BCAS3: variants seen among roughly 807,000 people sequenced by gnomAD.
The protein encoded by BCAS3 is BCAS4/BCAS3 fusion.
In BCAS3, 53 loss-of-function variants were observed where a neutral mutation model predicts 116.1. The observed-to-expected ratio is 0.46, with a 90% confidence interval of 0.37 to 0.57. The LOEUF is 0.57. Among genes scored for constraint, BCAS3 ranks in the 20% least tolerant of loss-of-function variants. The pLI is 0.00. For missense variants in BCAS3, 917 were observed against 1,165.4 expected (o/e 0.79, Z 3.10); for synonymous variants, 391 against 408.2 (o/e 0.96, Z 0.51).
rs763556875 is a variant in BCAS3 at position 61,228,379 on chromosome 17, G to T, written c.2426-139948G>T. Among the ~76,000 whole-genome samples the T allele has an allele frequency of 3.3e-5, 5 of 152,140 alleles. No homozygotes were observed. The highest frequency in any genetic ancestry group is 7.4e-5 in the Non-Finnish European group (5 of 68,016). Reference sequence around the variant, plus strand: ...GGTGGGAAGGACACATGGGTATGGTGTATTTTAAAAGGATTTAAAAGCACT... The same window carrying T: ...GGTGGGAAGGACACATGGGTATGGTTTATTTTAAAAGGATTTAAAAGCACT... On this transcript the variant is annotated intron_variant, in intron 22 of 23. Coordinates refer to ENST00000407086, the MANE Select transcript of BCAS3 (RefSeq NM_017679.5). The surrounding 1 kb of genome is among the most constrained non-coding windows in gnomAD (Gnocchi z 5.0).
At chr17:61,293,519 G>T (rs1055690332) in intron 22 of BCAS3, among the ~76,000 whole-genome samples, 1 of 152,154 alleles carries the variant, frequency 6.6e-6, no homozygotes, top group Admixed American at 6.5e-5. Flanking sequence ...GACTATTAGG[G>T]CCCAGAGAAG....
intron 6 of BCAS3, among the ~76,000 whole-genome samples, chr17:60,779,906 G>A (rs760763166): frequency 1.3e-5 from 2 of 151,970 alleles, no homozygotes; most frequent in African/African-American, 4.8e-5. Flanking sequence ...CAGGAGATAA[G>A]GCTCTGATAT....
Position 61,200,596 on chromosome 17 carries a change from G to T in BCAS3, c.2425+116032G>T, listed in dbSNP as rs376703749. 6.6e-6 allele frequency among the ~76,000 whole-genome samples: 1 copy of T among 152,344 alleles called. No homozygotes were observed. Among genetic ancestry groups the T allele is most frequent in the East Asian group, 1.9e-4 (1 of 5,182 alleles). On this transcript the variant is annotated intron_variant, in intron 22 of 23. Transcript: ENST00000407086. This position sits in a 1 kb window ranked among gnomAD's most constrained non-coding sequence, Gnocchi z 5.1. ...AACATTCCTACTGAAGAGGCATTAG[G>T]ACTAGAGCGTATTTCTTTTGATTAT...
chr17:61,038,000 A>G lies in BCAS3; in HGVS notation c.1874A>G (p.Asp625Gly), dbSNP rs780575795. Residue 625 changes from aspartate to glycine, a missense_variant, in exon 18 of 24, where the codon GAC (aspartate) becomes GGC (glycine). Physicochemically the swap from Asp to Gly is moderately conservative, Grantham distance 94. Coordinates refer to ENST00000407086, the MANE Select transcript of BCAS3 (RefSeq NM_017679.5). This position sits in a 1 kb window ranked among gnomAD's most constrained non-coding sequence, Gnocchi z 4.7. ...RPLSTAPKISDDTPLEMMTSP... is the reference protein window; with the variant it reads ...RPLSTAPKISGDTPLEMMTSP... Reference sequence around the variant, plus strand: ...CTCAGCACTGCACCCAAGATTAGTGACGACACACCACTGGAAATGATGACA... The same window carrying G: ...CTCAGCACTGCACCCAAGATTAGTGGCGACACACCACTGGAAATGATGACA... 2.5e-6 allele frequency: 4 copies of G among 1,614,038 alleles called. No homozygotes were observed. In the African/African-American group the frequency reaches 4.0e-5, roughly 16 times the overall value.
chr17:60,688,437 C>T (rs1568017892), intron 3 of BCAS3, among the ~76,000 whole-genome samples: 1 of 152,042 alleles, frequency 6.6e-6, no homozygotes, highest in Non-Finnish European at 1.5e-5. Flanking sequence ...GTAGCTGGGA[C>T]TACAGGTGCA....
Position 61,381,745 on chromosome 17 carries a change from A to G in BCAS3, c.2594-10232A>G, listed in dbSNP as rs2059615222. 6.6e-6 allele frequency among the ~76,000 whole-genome samples: 1 copy of G among 152,194 alleles called. No individual in the cohort carries two copies. The highest frequency in any genetic ancestry group is 2.1e-4 in the South Asian group (1 of 4,828). On this transcript the variant is annotated intron_variant, in intron 23 of 23. Coordinates refer to ENST00000407086, the MANE Select transcript of BCAS3 (RefSeq NM_017679.5). The surrounding 1 kb of genome is among the most constrained non-coding windows in gnomAD (Gnocchi z 6.0). ...GTGTGTGCCTGTCCCCAGGGCCAGC[A>G]TTCTTCAGCACGCAGATGCCATGTG...
At chr17:61,138,971 G>T (rs1393670744) in intron 22 of BCAS3, among the ~76,000 whole-genome samples, 1 of 152,042 alleles carries the variant, frequency 6.6e-6, no homozygotes, top group Non-Finnish European at 1.5e-5. Context: ...TATTTCAAAT[G>T]CTATCCTGAA....
intron 4 of BCAS3, among the ~76,000 whole-genome samples, chr17:60,705,674 C>T (rs2143974657): frequency 6.6e-6 from 1 of 152,282 alleles, no homozygotes; most frequent in East Asian, 1.9e-4. Flanking sequence ...GAGCTCAGTG[C>T]TTCCAAACCA....
intron 22 of BCAS3, among the ~76,000 whole-genome samples, chr17:61,329,978 G>A (rs1182592200): frequency 6.6e-6 from 1 of 152,106 alleles, no homozygotes; most frequent in East Asian, 1.9e-4. Context: ...TAAAAATGAA[G>A]AAGACACCGT....
rs1053536531 is a variant in BCAS3 at position 60,962,914 on chromosome 17, G to A, written c.1221+15562G>A. ...TTTAATCGATTTTGATTTGATTTTTGTTATGGTGAGAGATAGAGGTCTAGT... is the reference window on the plus strand; with the variant it reads ...TTTAATCGATTTTGATTTGATTTTTATTATGGTGAGAGATAGAGGTCTAGT... On this transcript the variant is annotated intron_variant, in intron 14 of 23. Coordinates refer to ENST00000407086, the MANE Select transcript of BCAS3 (RefSeq NM_017679.5). The surrounding 1 kb of genome is among the most constrained non-coding windows in gnomAD (Gnocchi z 4.4). Among the ~76,000 whole-genome samples the A allele has an allele frequency of 6.6e-6, 1 of 152,156 alleles. No individual in the cohort carries two copies. Among genetic ancestry groups the A allele is most frequent in the Non-Finnish European group, 1.5e-5 (1 of 68,014 alleles).
rs147734470 is a variant in BCAS3 at position 61,263,896 on chromosome 17, A to G, written c.2426-104431A>G. On this transcript the variant is annotated intron_variant, in intron 22 of 23. Transcript: ENST00000407086. ...CGACAAATGATTATCCACATAGGAAAAACTTAGGATTTCATTTTAGGGTAG... is the reference window on the plus strand; with the variant it reads ...CGACAAATGATTATCCACATAGGAAGAACTTAGGATTTCATTTTAGGGTAG... 2.3e-3 allele frequency among the ~76,000 whole-genome samples: 345 copies of G among 152,350 alleles called. 1 individual carries two copies. The highest frequency in any genetic ancestry group is 7.7e-3 in the African/African-American group (320 of 41,584).
At chr17:60,720,489 T>G (rs1177980431) in intron 5 of BCAS3, 1 of 152,194 alleles carries the variant, frequency 6.6e-6, no homozygotes, top group Non-Finnish European at 1.5e-5. Flanking sequence ...GAGAATATAT[T>G]TATTACATCA....
intron 22 of BCAS3, among the ~76,000 whole-genome samples, chr17:61,159,748 G>A (rs2078057873): frequency 6.6e-6 from 1 of 152,234 alleles, no homozygotes; most frequent in South Asian, 2.1e-4. Flanking sequence ...CCTAAAAGAT[G>A]TTCCTCTCTA....
At chr17:60,757,777 T>C (rs1003877019) in intron 6 of BCAS3, among the ~76,000 whole-genome samples, 3 of 152,156 alleles carry the variant, frequency 2.0e-5, no homozygotes, top group East Asian at 1.9e-4. Flanking sequence ...TAGTCCTACA[T>C]GTATATTTTT....
intron 22 of BCAS3, among the ~76,000 whole-genome samples, chr17:61,160,823 G>C (rs894542612): frequency 2.0e-5 from 3 of 152,160 alleles, no homozygotes; most frequent in Non-Finnish European, 4.4e-5. Context: ...TTGGAGCTTT[G>C]ATGTGTTCCT....
rs1411821649 is a variant in BCAS3, at chr17:60,991,160, GT to G, written c.1486+926del. On this transcript the variant is annotated intron_variant, in intron 15 of 23. Coordinates refer to ENST00000407086, the MANE Select transcript of BCAS3 (RefSeq NM_017679.5). ...TTAGAATATTTCTACTCCTAAGCAA[GT>G]GTCCTTAAACACTATTGTTTCCATT... 2.0e-5 allele frequency among the ~76,000 whole-genome samples: 3 copies of G among 152,238 alleles called. No homozygotes were observed. The South Asian group carries it at 6.2e-4, about 32-fold the overall frequency.
chr17:61,227,110 T>C lies in BCAS3; in HGVS notation c.2426-141217T>C, dbSNP rs2082410021. On this transcript the variant is annotated intron_variant, in intron 22 of 23. Coordinates refer to ENST00000407086, the MANE Select transcript of BCAS3 (RefSeq NM_017679.5). This position sits in a 1 kb window ranked among gnomAD's most constrained non-coding sequence, Gnocchi z 6.1. ...TATGGTTACTCCATAGTTAAGCTGA[T>C]GTTACGCGGTTAGCCAGAATGAACT... is the stretch of plus-strand genomic sequence containing the variant. 6.6e-6 allele frequency among the ~76,000 whole-genome samples: 1 copy of C among 152,182 alleles called. No individual in the cohort carries two copies. The highest frequency in any genetic ancestry group is 2.1e-4 in the South Asian group (1 of 4,828).
intron 5 of BCAS3, chr17:60,727,552 A>G: frequency 8.7e-7 from 1 of 1,146,544 alleles, no homozygotes; most frequent in Non-Finnish European, 1.2e-6. Context: ...CGCCTCGCAA[A>G]GCTCTCGCCT....
chr17:61,070,747 A>G (rs2143418995), intron 19 of BCAS3, among the ~76,000 whole-genome samples: 1 of 152,192 alleles, frequency 6.6e-6, no homozygotes, highest in African/African-American at 2.4e-5. Context: ...GGCCTTCTGT[A>G]TTTACACAGG....
Sources: gnomAD v4.1 joint callset for allele counts (sites outside exome capture counted in the v4.1 genomes callset) on GRCh38, gnomAD v4.1.1 for gene constraint, Gnocchi (gnomAD v3.1) non-coding constraint, MANE v1.5 for transcripts, NCBI Gene and HGNC (gene_info 2026-07-23, HGNC 2026-07-21) for gene names.